PTPRK: variants seen among roughly 807,000 people sequenced by gnomAD.
The protein encoded by PTPRK is receptor-type tyrosine-protein phosphatase kappa.
In PTPRK, 75 loss-of-function variants were observed where a neutral mutation model predicts 178.0. That is an observed-to-expected ratio of 0.42 (90% CI 0.35 to 0.51). The LOEUF (loss-of-function observed/expected upper bound fraction) is 0.51, where lower values mean the gene tolerates loss of function less well. Among genes scored for constraint, PTPRK ranks in the 20% least tolerant of loss-of-function variants. PTPRK has a pLI of 0.02. For synonymous variants in PTPRK, 637 were observed against 620.6 expected (o/e 1.03, Z -0.39); for missense variants, 1,441 against 1,797.8 (o/e 0.80, Z 3.59).
intron 13 of PTPRK, among the ~76,000 whole-genome samples, chr6:128,021,647 A>G (rs1326927710): frequency 2.0e-5 from 3 of 149,330 alleles, no homozygotes; most frequent in East Asian, 1.9e-4. Context: ...CTCAAAAAAA[A>G]AGAAAGAAAG....
chr6:128,183,407 T>C (rs1439550535), intron 7 of PTPRK, among the ~76,000 whole-genome samples: 1 of 152,204 alleles, frequency 6.6e-6, no homozygotes, highest in Non-Finnish European at 1.5e-5. Flanking sequence ...GATAAATATA[T>C]ACAGCAATCA....
chr6:128,105,219 C>T (rs1212361798), intron 7 of PTPRK, among the ~76,000 whole-genome samples: 1 of 151,854 alleles, frequency 6.6e-6, no homozygotes, highest in Non-Finnish European at 1.5e-5. Flanking sequence ...CCGCAAGCTC[C>T]GCCTCCCGGG....
chr6:128,049,418 T>C (rs1244693353), intron 13 of PTPRK, among the ~76,000 whole-genome samples: 1 of 152,170 alleles, frequency 6.6e-6, no homozygotes, highest in Non-Finnish European at 1.5e-5. Context: ...TGATTTCTTA[T>C]CAATGCCCGC....
At chr6:128,271,516 T>G (rs1248452293) in intron 3 of PTPRK, among the ~76,000 whole-genome samples, 2 of 152,124 alleles carry the variant, frequency 1.3e-5, no homozygotes, top group East Asian at 3.9e-4. Context: ...TAATCTCCCC[T>G]GCTATTCTTT....
intron 1 of PTPRK, among the ~76,000 whole-genome samples, chr6:128,456,610 C>T (rs1848429057): frequency 6.6e-6 from 1 of 152,014 alleles, no homozygotes; most frequent in Non-Finnish European, 1.5e-5. Flanking sequence ...ATATTCTAAA[C>T]AAAAGACACA....
At chr6:128,255,741 G>C (rs1817180961) in intron 3 of PTPRK, among the ~76,000 whole-genome samples, 2 of 152,200 alleles carry the variant, frequency 1.3e-5, no homozygotes, top group Admixed American at 1.3e-4. Flanking sequence ...GAAACTTCTT[G>C]GAAACTCTGT....
rs142756298 is a variant in PTPRK at position 127,973,702 on chromosome 6, T to C, written c.4095A>G (p.Glu1365=). 7 of 1,613,970 alleles carry C rather than the reference T, an allele frequency of 4.3e-6. No individual in the cohort carries two copies. In the East Asian group the frequency reaches 8.9e-5, roughly 21 times the overall value. ...TCGTCCGGCCTTCCCCTTCCTCGCA[T>C]TCCTCCTGCCACTTTTCCACCTGAA... is the stretch of plus-strand genomic sequence containing the variant. ...LILQVEKWQE[E]CEEGEGRTII... The change falls in exon 28 of 30, where the codon GAA becomes GAG. Residue 1365 remains glutamate (E), a synonymous_variant. Coordinates refer to ENST00000368226, the MANE Select transcript of PTPRK (RefSeq NM_002844.4).
chr6:128,334,746 A>T (rs1312088749), intron 2 of PTPRK, among the ~76,000 whole-genome samples: 1 of 152,176 alleles, frequency 6.6e-6, no homozygotes, highest in Non-Finnish European at 1.5e-5. Flanking sequence ...TTCAAAAGGA[A>T]GGAAAAATAT....
At chr6:128,520,147 G>T in intron 1 of PTPRK, 112 bp downstream of exon 1, 2 of 945,870 alleles carry the variant, frequency 2.1e-6, no homozygotes, top group Non-Finnish European at 3.1e-6. Context: ...CCCCACCCCC[G>T]GACAGAGAGA....
At chr6:128,123,982 G>A (rs932851102) in intron 7 of PTPRK, among the ~76,000 whole-genome samples, 2 of 151,636 alleles carry the variant, frequency 1.3e-5, no homozygotes, top group African/African-American at 2.4e-5. Context: ...TCACTACCTG[G>A]CTGAAGTAGT....
chr6:128,196,821 C>T (rs989433335), intron 6 of PTPRK, among the ~76,000 whole-genome samples: 2 of 152,170 alleles, frequency 1.3e-5, no homozygotes, highest in African/African-American at 4.8e-5. Context: ...TATTCATATA[C>T]TCTTTTCTGT....
chr6:128,191,000 T>C (rs1803694633), intron 6 of PTPRK, among the ~76,000 whole-genome samples: 1 of 152,172 alleles, frequency 6.6e-6, no homozygotes. Context: ...CATATAGCTA[T>C]GATGAACTAA....
At chr6:128,430,103 A>AT (rs2128393213) in intron 1 of PTPRK, among the ~76,000 whole-genome samples, 1 of 151,248 alleles carries the variant, frequency 6.6e-6, no homozygotes, top group African/African-American at 2.4e-5. Flanking sequence ...AATATGAGGA[A>AT]TTTAAGGGAA....
At chr6:128,290,756 A>G (rs573072606) in intron 3 of PTPRK, among the ~76,000 whole-genome samples, 2 of 152,226 alleles carry the variant, frequency 1.3e-5, no homozygotes, top group African/African-American at 4.8e-5. Flanking sequence ...TCATTGAAAA[A>G]TATCTGAAGA....
intron 4 of PTPRK, chr6:128,241,314 TC>T (rs780804037): frequency 1.1e-5 from 6 of 533,036 alleles, no homozygotes; most frequent in Non-Finnish European, 2.3e-5. Context: ...ACCAGCAACA[TC>T]AGCTGCACTG....
At chr6:128,023,835 C>CTTT (rs79086877) in intron 13 of PTPRK, among the ~76,000 whole-genome samples, 1 of 141,206 alleles carries the variant, frequency 7.1e-6, no homozygotes, top group Non-Finnish European at 1.6e-5. Context: ...TTCTTTCTTT[C>CTTT]TTTTTTTTTT....
intron 12 of PTPRK, among the ~76,000 whole-genome samples, chr6:128,065,988 TG>T (rs1295423102): frequency 2.0e-5 from 3 of 151,228 alleles, no homozygotes; most frequent in East Asian, 3.9e-4. Flanking sequence ...TATTAACAAT[TG>T]GAAGAGAAAA....
chr6:128,281,996 A>G (rs1821753179), intron 3 of PTPRK, among the ~76,000 whole-genome samples: 1 of 152,174 alleles, frequency 6.6e-6, no homozygotes, highest in African/African-American at 2.4e-5. Flanking sequence ...GAGAAAAAAA[A>G]AGAAGGAAGT....
intron 1 of PTPRK, among the ~76,000 whole-genome samples, chr6:128,417,144 G>A (rs1842942880): frequency 6.6e-6 from 1 of 151,568 alleles, no homozygotes; most frequent in African/African-American, 2.4e-5. Context: ...ACGTGCCTTG[G>A]AAAGTAATTC....
Sources: allele counts gnomAD v4.1 joint callset (sites outside exome capture counted in the v4.1 genomes callset), GRCh38; gene constraint gnomAD v4.1.1; transcripts MANE v1.5; gene names NCBI Gene and HGNC (gene_info 2026-07-23, HGNC 2026-07-21).